Variants in ASB1 observed in about 807,000 individuals in gnomAD.
ASB1 encodes ankyrin repeat and SOCS box protein 1.
A neutral mutation model predicts 27.7 loss-of-function variants in ASB1; 18 were observed. The observed-to-expected ratio is 0.65, with a 90% CI of 0.45 to 0.96. The LOEUF is 0.96. ASB1 is among the 50% of genes least tolerant of loss of function. ASB1 has a pLI of 0.00. For synonymous variants in ASB1, 189 were observed against 187.6 expected (o/e 1.01, Z -0.06); for missense variants, 397 against 451.7 (o/e 0.88, Z 1.10).
intron 3 of ASB1, among the ~76,000 whole-genome samples, chr2:238,439,008 A>G (rs928812260): frequency 2.0e-5 from 3 of 152,354 alleles, no homozygotes; most frequent in East Asian, 3.9e-4. Flanking sequence ...ATGAAGGGCT[A>G]TCTTTCCCAC....
chr2:238,444,319 G>C (rs760132263), intron 3 of ASB1, 23 bp from the exon 4 acceptor site: 1 of 1,584,398 alleles, frequency 6.3e-7, no homozygotes, highest in Non-Finnish European at 8.6e-7. Context: ...TGCACAGTCT[G>C]ACTTTCCCTT....
rs1475603134 is a variant in ASB1, at chr2:238,450,500, GA to G, written c.*3992del. 1 of 152,260 alleles carries G rather than the reference GA, an allele frequency of 6.6e-6. No individual in the cohort carries two copies. The highest frequency in any genetic ancestry group is 2.4e-5 in the African/African-American group (1 of 41,472). 9.4% of individuals were successfully genotyped at this position (152,260 alleles called of 1,614,324 possible). ...TTTCTTCTTAAGTTCGCCTGTCTCT[GA>G]AATCCCAAAGTCACGGAACCGCAGT... On this transcript the variant is annotated 3_prime_UTR_variant, in exon 5 of 5. Transcript: ENST00000264607.
chr2:238,433,020 A>G (rs1559412575), intron 1 of ASB1, among the ~76,000 whole-genome samples: 1 of 152,194 alleles, frequency 6.6e-6, no homozygotes, highest in Non-Finnish European at 1.5e-5. Context: ...TTCTGGGATT[A>G]CAGGCGTGAG....
rs1276291142 is a variant in ASB1 at position 238,444,416 on chromosome 2, C to T, written c.569C>T (p.Ser190Phe). The T allele has an allele frequency of 4.3e-6, 7 of 1,614,004 alleles. No homozygotes were observed. The highest frequency in any genetic ancestry group is 5.9e-6 in the Non-Finnish European group (7 of 1,179,918). Residue 190 changes from serine to phenylalanine, a missense_variant, in exon 4 of 5, where the codon TCC (serine) becomes TTC (phenylalanine). Ser to Phe is a radical substitution (Grantham distance 155). Transcript: ENST00000264607. ...CCTCGATTCTCCCGGCGGCTCACCT[C>T]CTTGGTGGTCTGCCCCTTGTACATC... ...VQPRFSRRLT[S>F]LVVCPLYISA... is the part of the protein sequence containing the mutation.
chr2:238,444,383 A>G lies in ASB1; in HGVS notation c.536A>G (p.Asp179Gly), dbSNP rs1171965404. 1 of 1,612,740 alleles carries G rather than the reference A, an allele frequency of 6.2e-7. No homozygotes were observed. The highest frequency in any genetic ancestry group is 8.5e-7 in the Non-Finnish European group (1 of 1,179,112). ...GACGTCAACCACCACCTGACTCCTGATGTCCAGCCTCGATTCTCCCGGCGG... is the reference window on the plus strand; with the variant it reads ...GACGTCAACCACCACCTGACTCCTGGTGTCCAGCCTCGATTCTCCCGGCGG... The part of the protein sequence containing the change: ...DVDVNHHLTP[D>G]VQPRFSRRLT... The change falls in exon 4 of 5, where the codon GAT becomes GGT. Residue 179 changes from aspartate to glycine, a missense_variant. Transcript: ENST00000264607.
chr2:238,435,643 G>A (rs1701952713), intron 2 of ASB1, 68 bp from the exon 3 acceptor site: 3 of 1,487,168 alleles, frequency 2.0e-6, no homozygotes, highest in Non-Finnish European at 2.7e-6. Flanking sequence ...GCCAGGGTGA[G>A]GGGGGCAGTG....
intron 1 of ASB1, among the ~76,000 whole-genome samples, chr2:238,429,329 C>T (rs1267008874): frequency 6.6e-6 from 1 of 152,138 alleles, no homozygotes; most frequent in African/African-American, 2.4e-5. Flanking sequence ...TACTTACACA[C>T]GAATCTGTGT....
At position 238,427,114 on chromosome 2, in the gene ASB1, C is replaced by A; in HGVS notation, c.44C>A (p.Ser15Tyr). ...CCAGACGGGCGGGCAGGGCCGGGCTCCGCAGGTAACGTGCGCGCGGCCACT... is the reference window on the plus strand; with the variant it reads ...CCAGACGGGCGGGCAGGGCCGGGCTACGCAGGTAACGTGCGCGCGGCCACT... ...GSPDGRAGPG[S>Y]AGRNLKEWLR... is the part of the protein sequence containing the mutation. The change falls in exon 1 of 5, where the codon TCC (serine) becomes TAC (tyrosine). Residue 15 changes from serine to tyrosine, a missense_variant. Physicochemically the swap from Ser to Tyr is moderately radical, Grantham distance 144. Transcript: ENST00000264607. 8.0e-7 allele frequency: 1 copy of A among 1,254,124 alleles called. No homozygotes were observed. The highest frequency in any genetic ancestry group is 1.0e-6 in the Non-Finnish European group (1 of 1,000,072). The allele number at this position is 1,254,124 out of a possible 1,614,324, so 77.7% of individuals were successfully genotyped here.
intron 3 of ASB1, among the ~76,000 whole-genome samples, chr2:238,437,792 G>A (rs987262647): frequency 2.6e-5 from 4 of 152,218 alleles, no homozygotes; most frequent in Admixed American, 2.0e-4. Context: ...GATGAGCAGG[G>A]ACCTGGGATT....
Position 238,426,964 on chromosome 2 carries a change from C to G in ASB1, c.-107C>G, listed in dbSNP as rs6711952. 376 of 926,782 alleles carry G rather than the reference C, an allele frequency of 4.1e-4. 3 individuals carry two copies. The South Asian group carries it at 0.019, about 47-fold the overall frequency. 57.4% of individuals were successfully genotyped at this position (926,782 alleles called of 1,614,324 possible). ...GCGCGCCCGCCGGAAGCCGCGACCC[C>G]GACGCGCCCCCCATTGCCCTCGGCG... On this transcript the variant is annotated 5_prime_UTR_variant, in exon 1 of 5. Coordinates refer to ENST00000264607, the MANE Select transcript of ASB1 (RefSeq NM_001040445.3).
At position 238,444,475 on chromosome 2, in the gene ASB1, C is replaced by A; in HGVS notation, c.628C>A (p.Leu210Met). ...AAYHNLQCFR[L>M]LLLAGANPDF... ...CTACCACAACCTCCAGTGCTTCCGGCTGCTCCTCCTGGCTGGCGCGAACCC... is the reference window on the plus strand; with the variant it reads ...CTACCACAACCTCCAGTGCTTCCGGATGCTCCTCCTGGCTGGCGCGAACCC... The change falls in exon 4 of 5, where the codon CTG becomes ATG. Residue 210 changes from leucine to methionine, a missense_variant. Transcript: ENST00000264607. The A allele has an allele frequency of 6.2e-7, 1 of 1,614,256 alleles. No individual in the cohort carries two copies. Among genetic ancestry groups the A allele is most frequent in the Non-Finnish European group, 8.5e-7 (1 of 1,180,054 alleles).
In ASB1 at chr2:238,448,275, C is replaced by A. The variant is rs1702217623; in HGVS notation, c.*1764C>A. The A allele has an allele frequency of 6.6e-6, 1 of 152,420 alleles. No individual in the cohort carries two copies. The highest frequency in any genetic ancestry group is 1.5e-5 in the Non-Finnish European group (1 of 68,254). 9.4% of individuals were successfully genotyped at this position (152,420 alleles called of 1,614,324 possible). A position where few individuals can be genotyped will look rare whatever the true frequency, so the allele number is the denominator to read the frequency against. Reference sequence around the variant, plus strand: ...TGTTCTTTGTGGTACCAAAGTGGGACTAGGACAAAAATTGGGCTGTGGCTG... The same window carrying A: ...TGTTCTTTGTGGTACCAAAGTGGGAATAGGACAAAAATTGGGCTGTGGCTG... On this transcript the variant is annotated 3_prime_UTR_variant, in exon 5 of 5. Coordinates refer to ENST00000264607, the MANE Select transcript of ASB1 (RefSeq NM_001040445.3).
At chr2:238,443,155 T>C (rs1004194989) in intron 3 of ASB1, among the ~76,000 whole-genome samples, 2 of 152,250 alleles carry the variant, frequency 1.3e-5, no homozygotes, top group Non-Finnish European at 2.9e-5. Context: ...AATTATCTTC[T>C]TGATGTTGAG....
rs116379867 is a variant in ASB1, at chr2:238,450,439, A to C, written c.*3928A>C. On this transcript the variant is annotated 3_prime_UTR_variant, in exon 5 of 5. Transcript: ENST00000264607. ...GCTTTTTGAAATGCTCTTGGTTGCA[A>C]AACAAAATGTTGGTTGCTGTTTGTC... 6.6e-6 allele frequency: 1 copy of C among 152,244 alleles called. No homozygotes were observed. Among genetic ancestry groups the C allele is most frequent in the African/African-American group, 2.4e-5 (1 of 41,472 alleles). The allele number at this position is 152,244 out of a possible 1,614,324, so 9.4% of individuals were successfully genotyped here.
intron 1 of ASB1, among the ~76,000 whole-genome samples, chr2:238,433,048 A>G (rs1701900531): frequency 1.3e-5 from 2 of 152,110 alleles, no homozygotes; most frequent in Non-Finnish European, 2.9e-5. Flanking sequence ...ACCTGGCTCA[A>G]TCTGCTAATT....
intron 3 of ASB1, among the ~76,000 whole-genome samples, chr2:238,436,717 A>C (rs1381931748): frequency 1.3e-5 from 2 of 150,172 alleles, no homozygotes; most frequent in Non-Finnish European, 1.5e-5. Flanking sequence ...AAACAAGTAC[A>C]TGACCATGGG....
intron 4 of ASB1, 25 bp from the exon 5 acceptor site, chr2:238,446,359 C>G: frequency 6.4e-7 from 1 of 1,568,070 alleles, no homozygotes; most frequent in Non-Finnish European, 8.6e-7. Context: ...TCCTCTATCC[C>G]TCTCTTTCTT....
In ASB1 at chr2:238,450,979, C is replaced by T. The variant is rs1440345421; in HGVS notation, c.*4468C>T. ...CATGTGACCTCCTTTCTCACTTATG[C>T]CTCACTCCCCTCCTCCCGCTCCAAA... is the stretch of plus-strand genomic sequence containing the variant. On this transcript the variant is annotated 3_prime_UTR_variant, in exon 5 of 5. Transcript: ENST00000264607. 1.4e-5 allele frequency: 2 copies of T among 138,806 alleles called. No homozygotes were observed. The highest frequency in any genetic ancestry group is 3.3e-5 in the Non-Finnish European group (2 of 60,024). The allele number at this position is 138,806 out of a possible 1,614,324, so 8.6% of individuals were successfully genotyped here.
intron 3 of ASB1, among the ~76,000 whole-genome samples, chr2:238,443,508 C>T (rs1559415747): frequency 6.6e-6 from 1 of 152,090 alleles, no homozygotes; most frequent in Non-Finnish European, 1.5e-5. Flanking sequence ...ATTTCTTCCT[C>T]TTGCCTGATT....
Sources: gnomAD v4.1 joint callset for allele counts (sites outside exome capture counted in the v4.1 genomes callset) on GRCh38, gnomAD v4.1.1 for gene constraint, MANE v1.5 for transcripts, NCBI Gene and HGNC (gene_info 2026-07-23, HGNC 2026-07-21) for gene names.